Variants in AK9 observed in about 807,000 individuals in gnomAD.
The protein encoded by AK9 is adenylate kinase domain containing 1.
A neutral mutation model predicts 239.6 loss-of-function variants in AK9; 191 were observed. That is an observed-to-expected ratio of 0.80 (90% CI 0.71 to 0.90). The LOEUF (loss-of-function observed/expected upper bound fraction) is 0.90, where lower values mean the gene tolerates loss of function less well. AK9 is among the 40% of genes least tolerant of loss of function. The pLI, the probability that AK9 is intolerant of heterozygous loss-of-function variation, is 0.00. For synonymous variants in AK9, 689 were observed against 721.0 expected, an observed-to-expected ratio of 0.96 and a Z score of 0.71; for missense variants, 1,995 against 2,214.7, an observed-to-expected ratio of 0.90 and a Z score of 1.99.
chr6:109,555,711 T>C lies in AK9; in HGVS notation c.2752-5409A>G, dbSNP rs74553536. On this transcript the variant is annotated intron_variant, in intron 24 of 40. Coordinates refer to ENST00000424296, the MANE Select transcript of AK9 (RefSeq NM_001145128.3). ...TGCTCTTGTATTGGGTGCATATATG[T>C]TCAGAATAGTTAGCTCTTCTTGTTG... Among the ~76,000 whole-genome samples, 48 of 152,366 alleles carry C rather than the reference T, an allele frequency of 3.2e-4. No homozygotes were observed. The East Asian group carries it at 7.9e-3, about 25-fold the overall frequency.
Position 109,493,490 on chromosome 6 carries a change from AT to A in AK9, c.5614del (p.Ile1872Ter), listed in dbSNP as rs772375015. 4.8e-5 allele frequency: 77 copies of A among 1,614,130 alleles called. No homozygotes were observed. Among genetic ancestry groups the A allele is most frequent in the Non-Finnish European group, 6.4e-5 (76 of 1,179,996 alleles). ...MEQFMESCEL[I>X]TYLGAKMTRK... is the part of the protein sequence containing the mutation. Reference sequence around the variant, plus strand: ...GGTCATCTTGGCACCCAAGTATGTTATGAGTTCACAACTCTCCATAAACTGC... The same window carrying A: ...GGTCATCTTGGCACCCAAGTATGTTAGAGTTCACAACTCTCCATAAACTGC... On this transcript the variant is annotated frameshift_variant, in exon 41 of 41. Transcript: ENST00000424296. LOFTEE classifies it high-confidence loss of function.
At chr6:109,588,185 C>T (rs1225156284) in intron 17 of AK9, among the ~76,000 whole-genome samples, 6 of 152,122 alleles carry the variant, frequency 3.9e-5, no homozygotes, top group African/African-American at 1.4e-4. Context: ...ATTCTCCTGC[C>T]TCAGCCTCCC....
At chr6:109,540,175 TG>T (rs1288484339) in intron 27 of AK9, among the ~76,000 whole-genome samples, 2 of 152,194 alleles carry the variant, frequency 1.3e-5, no homozygotes, top group Non-Finnish European at 2.9e-5. Flanking sequence ...TGCTGCCTTT[TG>T]TTTGGCTATG....
chr6:109,596,118 G>T (rs1025922516), intron 17 of AK9, among the ~76,000 whole-genome samples: 2 of 152,354 alleles, frequency 1.3e-5, no homozygotes, highest in South Asian at 4.1e-4. Context: ...AGAGCTAGCT[G>T]CAGCCAATGC....
chr6:109,641,077 GA>G (rs1342438627), intron 10 of AK9, among the ~76,000 whole-genome samples: 20 of 150,346 alleles, frequency 1.3e-4, no homozygotes, highest in Non-Finnish European at 2.5e-4. Context: ...CTTCTTCCTA[GA>G]AATCACATCC....
chr6:109,563,798 G>T (rs1786101662), intron 23 of AK9, 86 bp from the exon 24 acceptor site: 9 of 1,365,264 alleles, frequency 6.6e-6, no homozygotes, highest in Admixed American at 2.6e-5. Context: ...TGGGAAAATT[G>T]ATTATTATTA....
chr6:109,674,154 A>C (rs1201312236), intron 3 of AK9, 44 bp downstream of exon 3: 3 of 1,447,096 alleles, frequency 2.1e-6, no homozygotes, highest in Non-Finnish European at 2.8e-6. Context: ...TGAATATTTG[A>C]AAGTTTTCAT....
At chr6:109,683,459 GTC>G (rs1318904264) in intron 1 of AK9, among the ~76,000 whole-genome samples, 1 of 152,190 alleles carries the variant, frequency 6.6e-6, no homozygotes, top group Non-Finnish European at 1.5e-5. Flanking sequence ...AAGTCAAATT[GTC>G]TCTGTTTGCA....
At chr6:109,578,897 G>T (rs996644949) in intron 20 of AK9, among the ~76,000 whole-genome samples, 1 of 152,000 alleles carries the variant, frequency 6.6e-6, no homozygotes, top group African/African-American at 2.4e-5. Flanking sequence ...GAGAGTACTC[G>T]GTATAATTTT....
chr6:109,595,435 C>A (rs1357521714), intron 17 of AK9, among the ~76,000 whole-genome samples: 1 of 152,146 alleles, frequency 6.6e-6, no homozygotes, highest in African/African-American at 2.4e-5. Flanking sequence ...TTGTGGAAGA[C>A]AGTGTGGTGA....
intron 29 of AK9, among the ~76,000 whole-genome samples, chr6:109,519,568 G>C (rs1245855415): frequency 6.6e-6 from 1 of 152,098 alleles, no homozygotes; most frequent in African/African-American, 2.4e-5. Context: ...GCTGAGGCTG[G>C]CAGATTGCTT....
chr6:109,633,724 T>G (rs1181063607), intron 10 of AK9, among the ~76,000 whole-genome samples: 1 of 152,188 alleles, frequency 6.6e-6, no homozygotes, highest in Non-Finnish European at 1.5e-5. Context: ...TCTTAGCTAA[T>G]TTACCTTGGC....
chr6:109,612,057 CT>C lies in AK9; in HGVS notation c.1645del (p.Arg549GlyfsTer10). 1 of 1,540,980 alleles carries C rather than the reference CT, an allele frequency of 6.5e-7. No individual in the cohort carries two copies. The part of the protein sequence containing the change: ...KETGETFTFK[R>X]HSQDASQDVK... ...ATCTTGACTAGCATCTTGAGAATGCCTTTTAAATGTGAATGTTTCACCAGTT... is the reference window on the plus strand; with the variant it reads ...ATCTTGACTAGCATCTTGAGAATGCCTTTAAATGTGAATGTTTCACCAGTT... On this transcript the variant is annotated frameshift_variant, in exon 16 of 41. Coordinates refer to ENST00000424296, the MANE Select transcript of AK9 (RefSeq NM_001145128.3). LOFTEE classifies it high-confidence loss of function.
intron 5 of AK9, 22 bp downstream of exon 5, chr6:109,671,896 TA>T: frequency 1.2e-6 from 2 of 1,605,690 alleles, no homozygotes; most frequent in Non-Finnish European, 1.7e-6. Flanking sequence ...TTGTGGGCTG[TA>T]AATATATTAA....
chr6:109,549,999 G>T (rs1340251736), intron 25 of AK9, 91 bp downstream of exon 25: 3 of 1,331,944 alleles, frequency 2.3e-6, no homozygotes, highest in Non-Finnish European at 3.1e-6. Context: ...TCAGATTGGG[G>T]ATTTCACCCT....
intron 10 of AK9, among the ~76,000 whole-genome samples, chr6:109,633,742 T>C (rs1472690474): frequency 1.3e-5 from 2 of 152,202 alleles, no homozygotes; most frequent in African/African-American, 4.8e-5. Context: ...GGCTTTCACA[T>C]ATACCTAAGA....
At chr6:109,553,115 G>C (rs2128168041) in intron 24 of AK9, among the ~76,000 whole-genome samples, 1 of 152,236 alleles carries the variant, frequency 6.6e-6, no homozygotes, top group Non-Finnish European at 1.5e-5. Flanking sequence ...TAGCCTTGCA[G>C]CAAGCTTGAA....
At chr6:109,669,478 G>A (rs1801760711) in intron 5 of AK9, among the ~76,000 whole-genome samples, 1 of 152,136 alleles carries the variant, frequency 6.6e-6, no homozygotes. Context: ...GTTTTCAAAA[G>A]GAATGCTTCC....
At chr6:109,601,370 G>C (rs964247735) in intron 17 of AK9, among the ~76,000 whole-genome samples, 2 of 152,048 alleles carry the variant, frequency 1.3e-5, no homozygotes, top group African/African-American at 2.4e-5. Context: ...GTTGAGTTTC[G>C]ATGTAGTTGA....
Sources: gnomAD v4.1 joint callset for allele counts (sites outside exome capture counted in the v4.1 genomes callset) on GRCh38, gnomAD v4.1.1 for gene constraint, MANE v1.5 for transcripts, NCBI Gene and HGNC (gene_info 2026-07-23, HGNC 2026-07-21) for gene names.